Variants in USP32 observed in about 807,000 individuals in gnomAD.
The protein encoded by USP32 is ubiquitin specific peptidase 32.
USP32 carries 59 observed loss-of-function variants against 204.8 expected under a neutral mutation model. The ratio of observed to expected loss-of-function variants is 0.29; its 90% CI spans 0.23 to 0.36. USP32 has a LOEUF of 0.36. USP32 is among the 10% of genes least tolerant of loss of function. The probability of loss-of-function intolerance (pLI) is 1.00; values close to 1 mark genes in which losing one functional copy is unlikely to be tolerated. For missense variants in USP32, 1,160 were observed against 1,946.4 expected, an observed-to-expected ratio of 0.60 and a Z score of 7.60; for synonymous variants, 517 against 678.4, an observed-to-expected ratio of 0.76 and a Z score of 3.70.
upstream of USP32, chr17:60,392,499 C>T: frequency 2.9e-5 from 8 of 274,460 alleles, 1 homozygote; most frequent in South Asian, 2.0e-4. Context: ...GCCCCCGCGC[C>T]CACATGTTCT....
intron 7 of USP32, 121 bp downstream of exon 7, chr17:60,269,328 AT>A: frequency 1.4e-6 from 1 of 721,024 alleles, no homozygotes. Context: ...TGAGATTAAT[AT>A]TTGTTAATCT....
intron 29 of USP32, among the ~76,000 whole-genome samples, chr17:60,187,921 A>G (rs1940474000): frequency 6.6e-6 from 1 of 152,168 alleles, no homozygotes; most frequent in Non-Finnish European, 1.5e-5. Context: ...TTTTCATAGA[A>G]GACTATTGAA....
intron 5 of USP32, among the ~76,000 whole-genome samples, chr17:60,286,677 C>G (rs1398424988): frequency 6.6e-6 from 1 of 152,126 alleles, no homozygotes; most frequent in Non-Finnish European, 1.5e-5. Context: ...TAATAGTAGC[C>G]TAAAAGAAGA....
chr17:60,262,305 C>T (rs865785867), intron 9 of USP32, among the ~76,000 whole-genome samples: 66 of 152,180 alleles, frequency 4.3e-4, no homozygotes, highest in African/African-American at 1.4e-3. Context: ...AAAGCTCCTG[C>T]GTCAGCCTCC....
chr17:60,249,456 T>G lies in USP32; in HGVS notation c.1136+2925A>C, dbSNP rs2086113650. 15 of 407,562 alleles carry G rather than the reference T, an allele frequency of 3.7e-5. 1 individual carries two copies. The South Asian group carries it at 5.6e-4, about 15-fold the overall frequency. The allele number at this position is 407,562 out of a possible 1,614,324, so 25.2% of individuals were successfully genotyped here. Reference sequence around the variant, plus strand: ...GTTAAAAATTTGACTGGTCTGTTGTTAGTCTGCTGCTTCCCCTAACCAGTA... The same window carrying G: ...GTTAAAAATTTGACTGGTCTGTTGTGAGTCTGCTGCTTCCCCTAACCAGTA... On this transcript the variant is annotated intron_variant, in intron 11 of 33. Transcript: ENST00000300896.
chr17:60,421,037 G>A (rs1356025341), intron 1 of USP32, among the ~76,000 whole-genome samples: 3 of 152,130 alleles, frequency 2.0e-5, no homozygotes, highest in Admixed American at 2.0e-4. Flanking sequence ...TAGAATTGGT[G>A]AGTCACAGAG....
intron 24 of USP32, among the ~76,000 whole-genome samples, 159 bp from the exon 25 acceptor site, chr17:60,207,291 G>A (rs1416627463): frequency 3.3e-5 from 5 of 152,184 alleles, no homozygotes; most frequent in South Asian, 2.1e-4. Context: ...ATGAATGCTT[G>A]ATAAAAATAA....
At chr17:60,321,096 T>C (rs185638646) in intron 2 of USP32, among the ~76,000 whole-genome samples, 65 of 152,048 alleles carry the variant, frequency 4.3e-4, no homozygotes, top group Non-Finnish European at 7.4e-4. Flanking sequence ...TCCAGGGAAA[T>C]AGAAAGTAAA....
intron 2 of USP32, among the ~76,000 whole-genome samples, chr17:60,319,625 T>A (rs1159497169): frequency 6.6e-6 from 1 of 151,328 alleles, no homozygotes; most frequent in Admixed American, 6.6e-5. Flanking sequence ...CAAAAAAATA[T>A]AAAAATTAGG....
intron 12 of USP32, among the ~76,000 whole-genome samples, chr17:60,234,116 A>C (rs1427335004): frequency 2.8e-5 from 4 of 141,772 alleles, no homozygotes; most frequent in Non-Finnish European, 6.2e-5. Flanking sequence ...AGCATGACTA[A>C]TTTTTTTTTT....
chr17:60,408,456 C>T (rs996677293), intron 1 of USP32, among the ~76,000 whole-genome samples: 1 of 151,904 alleles, frequency 6.6e-6, no homozygotes, highest in African/African-American at 2.4e-5. Flanking sequence ...TGGCTCACTG[C>T]AAGCTCTGCC....
In USP32 at chr17:60,349,664, C is replaced by T. The variant is rs866959453; in HGVS notation, c.59-4056G>A. Among the ~76,000 whole-genome samples, 4 of 91,596 alleles carry T rather than the reference C, an allele frequency of 4.4e-5. No individual in the cohort carries two copies. The South Asian group carries it at 1.2e-3, about 27-fold the overall frequency. The allele number at this position is 91,596 out of a possible 152,430, so 60.1% of individuals were successfully genotyped here. A position where few individuals can be genotyped will look rare whatever the true frequency, so the allele number is the denominator to read the frequency against. Reference sequence around the variant, plus strand: ...TATATTATATATATACATATATATACACATATATATATACACACATATATA... The same window carrying T: ...TATATTATATATATACATATATATATACATATATATATACACACATATATA... On this transcript the variant is annotated intron_variant, in intron 1 of 33. Coordinates refer to ENST00000300896, the MANE Select transcript of USP32 (RefSeq NM_032582.4).
intron 1 of USP32, among the ~76,000 whole-genome samples, chr17:60,362,818 A>G (rs2089235841): frequency 6.6e-6 from 1 of 151,934 alleles, no homozygotes; most frequent in African/African-American, 2.4e-5. Context: ...GTTTCCAAGT[A>G]TCCTTCTTTC....
At chr17:60,192,810 T>G (rs367749084) in intron 28 of USP32, 34 bp downstream of exon 28, 73 of 1,605,456 alleles carry the variant, frequency 4.5e-5, no homozygotes, top group Non-Finnish European at 5.6e-5. Context: ...AAGCTGAAAT[T>G]CTACTAAAGT....
intron 2 of USP32, among the ~76,000 whole-genome samples, chr17:60,331,954 C>A (rs1486459516): frequency 1.3e-5 from 2 of 150,686 alleles, no homozygotes; most frequent in East Asian, 3.9e-4. Flanking sequence ...TTAAAGTATA[C>A]AATTGAGGTC....
In USP32 at chr17:60,420,087, TATTTTA is replaced by T. The variant is rs1000358498; in HGVS notation, c.106+2153_106+2158del. On this transcript the variant is annotated intron_variant, in intron 1 of 3. Transcript: ENST00000588898. ...TTATTTTGTTTATTTTATTTTATTTTATTTTATTTGTTTTGTTTTATTTTATTTATT... is the reference window on the plus strand; with the variant it reads ...TTATTTTGTTTATTTTATTTTATTTTTTTGTTTTGTTTTATTTTATTTATT... Among the ~76,000 whole-genome samples, 10 of 150,536 alleles carry T rather than the reference TATTTTA, an allele frequency of 6.6e-5. No homozygotes were observed. In the East Asian group the frequency reaches 1.6e-3, roughly 23 times the overall value.
At chr17:60,384,752 A>G (rs11656111) in intron 1 of USP32, among the ~76,000 whole-genome samples, 4 of 151,472 alleles carry the variant, frequency 2.6e-5, no homozygotes, top group African/African-American at 4.9e-5. Context: ...AGACTGTGCC[A>G]TTGCACTCCA....
intron 2 of USP32, among the ~76,000 whole-genome samples, chr17:60,326,571 T>C (rs2088244552): frequency 6.6e-6 from 1 of 152,192 alleles, no homozygotes; most frequent in African/African-American, 2.4e-5. Flanking sequence ...AGTGCTGGGA[T>C]TAAAGGCATG....
intron 2 of USP32, among the ~76,000 whole-genome samples, chr17:60,323,062 G>T (rs988711224): frequency 5.9e-5 from 9 of 152,168 alleles, no homozygotes; most frequent in Non-Finnish European, 1.0e-4. Context: ...ATGTAAAATG[G>T]GCAGCCACTT....
Sources: allele counts gnomAD v4.1 joint callset (sites outside exome capture counted in the v4.1 genomes callset), GRCh38; gene constraint gnomAD v4.1.1; transcripts MANE v1.5; gene names NCBI Gene and HGNC (gene_info 2026-07-23, HGNC 2026-07-21).